Variants in GLS observed in about 807,000 individuals in gnomAD.
GLS encodes glutaminase.
Under a neutral mutation model 86.7 loss-of-function variants are expected in GLS, and 36 were observed. The ratio of observed to expected loss-of-function variants is 0.42; its 90% CI spans 0.32 to 0.55. The LOEUF (loss-of-function observed/expected upper bound fraction) is 0.55. GLS is among the 20% of genes least tolerant of loss of function. GLS has a pLI of 0.17. For synonymous variants in GLS, 317 were observed against 305.9 expected (o/e 1.04, Z -0.38); for missense variants, 528 against 833.4 (o/e 0.63, Z 4.51).
intron 12 of GLS, among the ~76,000 whole-genome samples, chr2:190,928,892 G>GTTTTTTTTTTTTTTTTTT (rs367999647): frequency 7.8e-5 from 1 of 12,828 alleles, no homozygotes; most frequent in African/African-American, 3.1e-4. Flanking sequence ...ATTCAGGTGT[G>GTTTTTTTTTTTTTTTTTT]TTTTTTTTTT....
rs1458094712 is a variant in GLS at position 190,935,396 on chromosome 2, T to C, written c.1650+3759T>C. On this transcript the variant is annotated intron_variant, in intron 14 of 17. Transcript: ENST00000320717. The surrounding 1 kb of genome is among the most constrained non-coding windows in gnomAD (Gnocchi z 4.2). ...TTAACTTAGAAAAAATTATTCTTTA[T>C]GAAGATACTGTTAAAGTGTTTGCTA... 6.4e-6 allele frequency: 1 copy of C among 155,664 alleles called. No homozygotes were observed. Among genetic ancestry groups the C allele is most frequent in the Admixed American group, 6.6e-5 (1 of 15,198 alleles). 9.6% of individuals were successfully genotyped at this position (155,664 alleles called of 1,614,324 possible).
intron 1 of GLS, among the ~76,000 whole-genome samples, chr2:190,891,075 A>G (rs2125979251): frequency 6.7e-6 from 1 of 150,264 alleles, no homozygotes. Context: ...TTTTTTATTT[A>G]TAAGATTTTT....
chr2:190,901,864 TGAGATAA>T, intron 4 of GLS, 76 bp from the exon 5 acceptor site: 1 of 851,800 alleles, frequency 1.2e-6, no homozygotes, highest in Non-Finnish European at 2.0e-6. Flanking sequence ...GAAGGTAAAA[TGAGATAA>T]GAAATTTGTT....
intron 1 of GLS, 120 bp downstream of exon 1, chr2:190,881,590 G>A: frequency 1.0e-6 from 1 of 978,954 alleles, no homozygotes; most frequent in Non-Finnish European, 1.4e-6. Flanking sequence ...AAAGAAAGAG[G>A]TGCCGGGCGG....
At position 190,913,213 on chromosome 2, in the gene GLS, A is replaced by C. The variant is rs1689419617; in HGVS notation, c.1038+2892A>C. On this transcript the variant is annotated intron_variant, in intron 7 of 17. Coordinates refer to ENST00000320717, the MANE Select transcript of GLS (RefSeq NM_014905.5). This position sits in a 1 kb window ranked among gnomAD's most constrained non-coding sequence, Gnocchi z 6.1. ...TGTAGGATTGGTGGTGATCCTCAGG[A>C]AATGGGGGAAGAGGCAGAGCAAATG... The C allele has an allele frequency of 7.7e-7, 1 of 1,301,116 alleles. No homozygotes were observed. Among genetic ancestry groups the C allele is most frequent in the Non-Finnish European group, 1.0e-6 (1 of 986,314 alleles). The allele number at this position is 1,301,116 out of a possible 1,614,324, so 80.6% of individuals were successfully genotyped here.
chr2:190,917,792 A>AT (rs942118157), intron 7 of GLS, among the ~76,000 whole-genome samples: 119 of 146,010 alleles, frequency 8.2e-4, no homozygotes, highest in Admixed American at 1.1e-3. Flanking sequence ...TGAAAGAAAT[A>AT]TTTTTTTTTT....
rs114366763 is a variant in GLS, at chr2:190,912,647, T to C, written c.1038+2326T>C. Among the ~76,000 whole-genome samples, 748 of 152,198 alleles carry C rather than the reference T, an allele frequency of 4.9e-3. 9 individuals carry two copies. Among genetic ancestry groups the C allele is most frequent in the African/African-American group, 0.017 (713 of 41,526 alleles). Reference sequence around the variant, plus strand: ...GGAGGAAACTGAGAACCTGGCAAGGTTGTAACAGCAGTAGAATTGGACTTG... The same window carrying C: ...GGAGGAAACTGAGAACCTGGCAAGGCTGTAACAGCAGTAGAATTGGACTTG... On this transcript the variant is annotated intron_variant, in intron 7 of 17. Transcript: ENST00000320717.
At chr2:190,899,274 C>T (rs992895889) in intron 3 of GLS, among the ~76,000 whole-genome samples, 1 of 151,992 alleles carries the variant, frequency 6.6e-6, no homozygotes, top group African/African-American at 2.4e-5. Context: ...TATTTCTTAG[C>T]TCTGGGGTGT....
Position 190,924,478 on chromosome 2 carries a change from A to G in GLS, c.1198-65A>G, listed in dbSNP as rs116739893. The G allele has an allele frequency of 5.8e-4, 473 of 821,314 alleles. 1 individual carries two copies. The African/African-American group carries it at 6.2e-3, about 11-fold the overall frequency. The allele number at this position is 821,314 out of a possible 1,614,324, so 50.9% of individuals were successfully genotyped here. A position where few individuals can be genotyped will look rare whatever the true frequency, so the allele number is the denominator to read the frequency against. ...CTTGTGTACATTTGAAATTTTTCATATATTTCTCTACTTATGTGCATTCCT... is the reference window on the plus strand; with the variant it reads ...CTTGTGTACATTTGAAATTTTTCATGTATTTCTCTACTTATGTGCATTCCT... On this transcript the variant is annotated intron_variant, in intron 10 of 17. Coordinates refer to ENST00000320717, the MANE Select transcript of GLS (RefSeq NM_014905.5). The surrounding 1 kb of genome is among the most constrained non-coding windows in gnomAD (Gnocchi z 5.2).
chr2:190,895,715 CT>C lies in GLS; in HGVS notation c.600del (p.Phe200LeufsTer12). The C allele has an allele frequency of 6.4e-7, 1 of 1,572,798 alleles. No individual in the cohort carries two copies. The highest frequency in any genetic ancestry group is 8.7e-7 in the Non-Finnish European group (1 of 1,152,394). On this transcript the variant is annotated frameshift_variant, in exon 3 of 18. Coordinates refer to ENST00000320717, the MANE Select transcript of GLS (RefSeq NM_014905.5). LOFTEE classifies it high-confidence loss of function. The surrounding 1 kb of genome is among the most constrained non-coding windows in gnomAD (Gnocchi z 4.2). ...TSDGVMLDKDLFKKCVQSNIV... is the reference protein window; with the variant it reads ...TSDGVMLDKDXFKKCVQSNIV... ...AGATGGTGTCATGCTAGACAAAGAT[CT>C]TTTTAAAAAGTAAAAGTTTCTGCCA...
At chr2:190,910,452 A>AT (rs772934490) in intron 7 of GLS, 131 bp downstream of exon 7, 7 of 575,256 alleles carry the variant, frequency 1.2e-5, no homozygotes, top group Middle Eastern at 6.2e-4. Context: ...AATTTGTCTT[A>AT]TGGTATAGTG....
rs1009246311 is a variant in GLS at position 190,955,677 on chromosome 2, G to A, written c.1853+859G>A. On this transcript the variant is annotated intron_variant, in intron 17 of 17. Transcript: ENST00000320717. This position sits in a 1 kb window ranked among gnomAD's most constrained non-coding sequence, Gnocchi z 5.6. ...GATTGCTGGATCAAATGGTATTTCT[G>A]GTTCTAGATCCTTGAGGAATCACCA... Among the ~76,000 whole-genome samples, 1 of 152,122 alleles carries A rather than the reference G, an allele frequency of 6.6e-6. No homozygotes were observed. The highest frequency in any genetic ancestry group is 2.4e-5 in the African/African-American group (1 of 41,424).
Position 190,881,242 on chromosome 2 carries a change from G to A in GLS, c.158G>A (p.Arg53Gln). ...RPAAGPAAAARLHPWWGGGGW... is the reference protein window; with the variant it reads ...RPAAGPAAAAQLHPWWGGGGW... Reference sequence around the variant, plus strand: ...GCCGCGGGCCCGGCTGCCGCCGCGCGACTCCACCCGTGGTGGGGCGGGGGC... The same window carrying A: ...GCCGCGGGCCCGGCTGCCGCCGCGCAACTCCACCCGTGGTGGGGCGGGGGC... The change falls in exon 1 of 18, where the codon CGA (arginine) becomes CAA (glutamine). Residue 53 changes from arginine (R) to glutamine (Q), a missense_variant. By Grantham distance (43) the Arg-to-Gln change is conservative. This residue lies in a region of GLS where 224 missense variants were observed against 187.9 expected (regional missense o/e 1.19). Transcript: ENST00000320717. 8.0e-7 allele frequency: 1 copy of A among 1,251,948 alleles called. No homozygotes were observed. The highest frequency in any genetic ancestry group is 3.1e-4 in the Middle Eastern group (1 of 3,244). 77.6% of individuals were successfully genotyped at this position (1,251,948 alleles called of 1,614,324 possible).
rs1409955167 is a variant in GLS at position 190,920,186 on chromosome 2, A to G, written c.1039-838A>G. The G allele has an allele frequency of 2.0e-5, 3 of 151,918 alleles. No homozygotes were observed. Among genetic ancestry groups the G allele is most frequent in the Non-Finnish European group, 2.9e-5 (2 of 67,810 alleles). The allele number at this position is 151,918 out of a possible 1,614,324, so 9.4% of individuals were successfully genotyped here. Reference sequence around the variant, plus strand: ...GAGATGTATTGTTTCTTTTGGGTGCATATCACCAATTAATACGTTTGATTT... The same window carrying G: ...GAGATGTATTGTTTCTTTTGGGTGCGTATCACCAATTAATACGTTTGATTT... On this transcript the variant is annotated intron_variant, in intron 7 of 17. Coordinates refer to ENST00000320717, the MANE Select transcript of GLS (RefSeq NM_014905.5). The surrounding 1 kb of genome is among the most constrained non-coding windows in gnomAD (Gnocchi z 4.2).
In GLS at chr2:190,930,582, C is replaced by T. The variant is rs1168154038; in HGVS notation, c.1557+14C>T. On this transcript the variant is annotated intron_variant, in intron 13 of 17. Transcript: ENST00000320717. The surrounding 1 kb of genome is among the most constrained non-coding windows in gnomAD (Gnocchi z 5.0). ...CACTTTTGTCACGTAAGCATATTTT[C>T]TTAATGTAAATAATGGTGTTACAAG... 8.1e-6 allele frequency: 13 copies of T among 1,597,972 alleles called. No individual in the cohort carries two copies. The highest frequency in any genetic ancestry group is 1.1e-5 in the Non-Finnish European group (13 of 1,174,014).
intron 14 of GLS, chr2:190,932,917 A>G (rs1690154270): frequency 7.2e-7 from 1 of 1,381,964 alleles, no homozygotes; most frequent in Non-Finnish European, 9.4e-7. Context: ...AAACATCTTT[A>G]GCTTTTTTTT....
In GLS at chr2:190,954,451, G is replaced by A. The variant is rs926026846; in HGVS notation, c.1713-133G>A. The A allele has an allele frequency of 3.1e-5, 20 of 637,272 alleles. No homozygotes were observed. The highest frequency in any genetic ancestry group is 2.9e-4 in the Admixed American group (10 of 34,600). 39.5% of individuals were successfully genotyped at this position (637,272 alleles called of 1,614,324 possible). ...CACCTGTGTACTGGTTAATAAGGTC[G>A]GTAGTTCCCATTAATGAGCTTGATG... On this transcript the variant is annotated intron_variant, in intron 15 of 17. Coordinates refer to ENST00000320717, the MANE Select transcript of GLS (RefSeq NM_014905.5). This position sits in a 1 kb window ranked among gnomAD's most constrained non-coding sequence, Gnocchi z 4.0.
Position 190,921,512 on chromosome 2 carries a change from A to G in GLS, c.1130+309A>G, listed in dbSNP as rs1415672705. Among the ~76,000 whole-genome samples the G allele has an allele frequency of 1.3e-5, 2 of 151,904 alleles. No homozygotes were observed. The highest frequency in any genetic ancestry group is 4.8e-5 in the African/African-American group (2 of 41,390). ...CCAATTTTTTATTTTAAAATTTGTG[A>G]GTCTATAGAAAAGTTGAAAAAATAA... On this transcript the variant is annotated intron_variant, in intron 9 of 17. Transcript: ENST00000320717. This position sits in a 1 kb window ranked among gnomAD's most constrained non-coding sequence, Gnocchi z 4.2.
intron 12 of GLS, among the ~76,000 whole-genome samples, chr2:190,927,953 C>G (rs1689954173): frequency 6.6e-6 from 1 of 152,014 alleles, no homozygotes; most frequent in South Asian, 2.1e-4. Context: ...AGTATATAGA[C>G]TTTTTTTATT....
Sources: allele counts gnomAD v4.1 joint callset (sites outside exome capture counted in the v4.1 genomes callset), GRCh38; gene constraint gnomAD v4.1.1; regional missense constraint gnomAD v4.1.1; non-coding constraint Gnocchi (gnomAD v3.1); transcripts MANE v1.5; gene names NCBI Gene and HGNC (gene_info 2026-07-23, HGNC 2026-07-21).